Variants in ATP8A2 observed in about 807,000 individuals in gnomAD.
ATP8A2 encodes the protein phospholipid-transporting ATPase IB.
Under a neutral mutation model 165.6 loss-of-function variants are expected in ATP8A2, and 100 were observed. The observed-to-expected ratio is 0.60, with a 90% CI of 0.51 to 0.71. The LOEUF (loss-of-function observed/expected upper bound fraction) is 0.71, where lower values mean the gene tolerates loss of function less well. Ranked by LOEUF, ATP8A2 falls within the 30% of genes least tolerant of loss-of-function variation. The probability of loss-of-function intolerance (pLI) is 0.00; values close to 1 mark genes in which losing one functional copy is unlikely to be tolerated. For missense variants in ATP8A2, 1,227 were observed against 1,479.5 expected, an observed-to-expected ratio of 0.83 and a Z score of 2.80; for synonymous variants, 543 against 548.8, an observed-to-expected ratio of 0.99 and a Z score of 0.15.
At chr13:25,664,588 G>C (rs1265700106) in intron 24 of ATP8A2, among the ~76,000 whole-genome samples, 1 of 152,166 alleles carries the variant, frequency 6.6e-6, no homozygotes, top group Non-Finnish European at 1.5e-5. Flanking sequence ...AGCGGGCAGT[G>C]GTTACTGGAG....
chr13:25,599,045 A>G (rs1336663811), intron 24 of ATP8A2, among the ~76,000 whole-genome samples: 1 of 148,990 alleles, frequency 6.7e-6, no homozygotes, highest in Non-Finnish European at 1.5e-5. Flanking sequence ...TTTTTTTTTT[A>G]TCTTACAGCA....
Position 25,773,648 on chromosome 13 carries a change from C to CA in ATP8A2, c.2569-1195dup, listed in dbSNP as rs527247598. 1.4e-4 allele frequency among the ~76,000 whole-genome samples: 22 copies of CA among 151,998 alleles called. No homozygotes were observed. In the East Asian group the frequency reaches 3.5e-3, roughly 24 times the overall value. On this transcript the variant is annotated intron_variant, in intron 26 of 36. Transcript: ENST00000381655. ...AGAGGGGCTCTGTACTGGTTGGAGG[C>CA]AAAAAAGGAGAAGACAAAATGGGTC... is the stretch of plus-strand genomic sequence containing the variant.
At chr13:25,730,055 C>T (rs1399543340) in intron 25 of ATP8A2, among the ~76,000 whole-genome samples, 3 of 149,224 alleles carry the variant, frequency 2.0e-5, no homozygotes, top group Admixed American at 6.6e-5. Context: ...CTTTGGAGGC[C>T]GAGGTGGGCA....
At chr13:25,894,459 C>T (rs551081772) in intron 33 of ATP8A2, among the ~76,000 whole-genome samples, 2 of 152,254 alleles carry the variant, frequency 1.3e-5, no homozygotes, top group African/African-American at 2.4e-5. Flanking sequence ...AGTTTGAAGT[C>T]AGGTAGCATG....
intron 24 of ATP8A2, among the ~76,000 whole-genome samples, chr13:25,694,296 C>T (rs1319643376): frequency 2.0e-5 from 3 of 152,194 alleles, no homozygotes; most frequent in Non-Finnish European, 2.9e-5. Context: ...CTCTTTCCCT[C>T]CTTGGATCCA....
chr13:25,390,988 C>T (rs1477148294), intron 1 of ATP8A2, among the ~76,000 whole-genome samples: 2 of 151,806 alleles, frequency 1.3e-5, no homozygotes, highest in Non-Finnish European at 2.9e-5. Flanking sequence ...CTTAGGATTA[C>T]TGAGTTGTGT....
intron 33 of ATP8A2, among the ~76,000 whole-genome samples, chr13:25,875,818 A>G (rs1952807333): frequency 6.6e-6 from 1 of 152,256 alleles, no homozygotes; most frequent in South Asian, 2.1e-4. Flanking sequence ...TGGAGATGAT[A>G]TTAAAGGAGA....
At chr13:25,864,748 T>C (rs1270866828) in intron 33 of ATP8A2, among the ~76,000 whole-genome samples, 1 of 152,236 alleles carries the variant, frequency 6.6e-6, no homozygotes, top group Non-Finnish European at 1.5e-5. Context: ...AGGTTTTCAT[T>C]AAGCAGTACA....
At position 25,412,832 on chromosome 13, in the gene ATP8A2, T is replaced by TG. The variant is rs1331193871; in HGVS notation, c.76+40544_76+40545insG. On this transcript the variant is annotated intron_variant, in intron 1 of 36. Coordinates refer to ENST00000381655, the MANE Select transcript of ATP8A2 (RefSeq NM_016529.6). ...GTAATACCAAATGGATCAATTTTTT[T>TG]TGGGGGGGGATGGAGTCTTGCTCTG... Among the ~76,000 whole-genome samples the TG allele has an allele frequency of 6.8e-3, 1,041 of 151,982 alleles. 16 individuals are homozygous for TG. Among genetic ancestry groups the TG allele is most frequent in the African/African-American group, 0.022 (913 of 41,418 alleles).
intron 27 of ATP8A2, among the ~76,000 whole-genome samples, chr13:25,782,336 C>T (rs2044901815): frequency 1.3e-5 from 2 of 152,196 alleles, no homozygotes; most frequent in African/African-American, 4.8e-5. Context: ...ATATCATTGA[C>T]ATATGGACCT....
intron 33 of ATP8A2, among the ~76,000 whole-genome samples, chr13:25,881,135 G>A (rs1352345282): frequency 6.6e-6 from 1 of 152,114 alleles, no homozygotes; most frequent in African/African-American, 2.4e-5. Context: ...TGTTTGGGGG[G>A]CATTTTTTTT....
chr13:25,454,572 G>A (rs191512362), intron 1 of ATP8A2, among the ~76,000 whole-genome samples: 1 of 152,138 alleles, frequency 6.6e-6, no homozygotes, highest in Non-Finnish European at 1.5e-5. Flanking sequence ...CTGCCCATCC[G>A]ATGGGACCCT....
chr13:25,864,312 C>G (rs1326160450), intron 33 of ATP8A2, among the ~76,000 whole-genome samples: 4 of 152,114 alleles, frequency 2.6e-5, no homozygotes, highest in Non-Finnish European at 5.9e-5. Context: ...CCTCCTGAGT[C>G]CTAAACAGAG....
intron 35 of ATP8A2, among the ~76,000 whole-genome samples, chr13:25,997,701 C>A (rs1362500825): frequency 6.6e-6 from 1 of 152,206 alleles, no homozygotes; most frequent in Non-Finnish European, 1.5e-5. Flanking sequence ...CTGTCCCCTG[C>A]ATTCTGCTGT....
At chr13:25,530,151 G>T in intron 3 of ATP8A2, 53 bp downstream of exon 3, 1 of 1,182,180 alleles carries the variant, frequency 8.5e-7, no homozygotes, top group Non-Finnish European at 1.2e-6. Flanking sequence ...TGTAAAATGA[G>T]ATTTTGCTAA....
intron 30 of ATP8A2, among the ~76,000 whole-genome samples, chr13:25,847,728 G>A (rs1295484985): frequency 6.6e-6 from 1 of 152,140 alleles, no homozygotes; most frequent in African/African-American, 2.4e-5. Context: ...CCATATTCCT[G>A]ATGCACTGGC....
chr13:25,880,377 C>CAAAAAAA (rs10641772), intron 33 of ATP8A2, among the ~76,000 whole-genome samples: 6 of 91,630 alleles, frequency 6.5e-5, no homozygotes, highest in African/African-American at 2.2e-4. Flanking sequence ...TCAGGAACAA[C>CAAAAAAA]AAAAAAAAAA....
intron 1 of ATP8A2, among the ~76,000 whole-genome samples, chr13:25,435,310 GGGGTTTCACCATGTT>G (rs1333276522): frequency 6.6e-6 from 1 of 151,822 alleles, no homozygotes; most frequent in Non-Finnish European, 1.5e-5. Flanking sequence ...TAGTAGAGAC[GGGGTTTCACCATGTT>G]GGTCAGGCTG....
At chr13:25,651,850 CTGTT>C (rs1414102263) in intron 24 of ATP8A2, among the ~76,000 whole-genome samples, 2 of 151,976 alleles carry the variant, frequency 1.3e-5, no homozygotes, top group Non-Finnish European at 2.9e-5. Flanking sequence ...ATAATTATCT[CTGTT>C]TTTCTTTAAT....
Sources: allele counts gnomAD v4.1 joint callset (sites outside exome capture counted in the v4.1 genomes callset), GRCh38; gene constraint gnomAD v4.1.1; transcripts MANE v1.5; gene names NCBI Gene and HGNC (gene_info 2026-07-23, HGNC 2026-07-21).